Variants in NRF1 observed in about 807,000 individuals in gnomAD.
The protein encoded by NRF1 is alpha palindromic-binding protein.
In NRF1, 5 loss-of-function variants were observed where a neutral mutation model predicts 58.5. That is an observed-to-expected ratio of 0.09 (90% CI 0.04 to 0.18). The LOEUF (loss-of-function observed/expected upper bound fraction) is 0.18, where lower values mean the gene tolerates loss of function less well. Among genes scored for constraint, NRF1 ranks in the 10% least tolerant of loss-of-function variants. NRF1 has a pLI of 1.00. For synonymous variants in NRF1, 224 were observed against 246.7 expected (o/e 0.91, Z 0.86); for missense variants, 288 against 657.7 (o/e 0.44, Z 6.15).
At chr7:129,679,134 A>G (rs1308208005) in intron 4 of NRF1, among the ~76,000 whole-genome samples, 1 of 152,254 alleles carries the variant, frequency 6.6e-6, no homozygotes, top group Non-Finnish European at 1.5e-5. Context: ...CTAGAACACA[A>G]TAATACAAGT....
chr7:129,657,277 C>G, intron 1 of NRF1, 69 bp from the exon 2 acceptor site: 4 of 1,146,052 alleles, frequency 3.5e-6, no homozygotes, highest in Non-Finnish European at 3.9e-6. Flanking sequence ...AATAAAATAT[C>G]TCTTAGTTTA....
chr7:129,703,295 T>C (rs980818059), intron 5 of NRF1, among the ~76,000 whole-genome samples: 4 of 152,154 alleles, frequency 2.6e-5, no homozygotes, highest in Admixed American at 2.6e-4. Flanking sequence ...CCAGCTCAAT[T>C]AAAGGACGGT....
intron 3 of NRF1, among the ~76,000 whole-genome samples, chr7:129,675,159 C>T (rs1222747815): frequency 6.6e-6 from 1 of 152,180 alleles, no homozygotes; most frequent in Non-Finnish European, 1.5e-5. Context: ...ATAAGAAGCA[C>T]CTCTCATCCA....
intron 2 of NRF1, among the ~76,000 whole-genome samples, chr7:129,663,649 G>A (rs577755162): frequency 1.7e-4 from 26 of 151,200 alleles, no homozygotes; most frequent in Non-Finnish European, 2.8e-4. Context: ...CAGACGGGGC[G>A]GGCGGGCAGA....
Position 129,699,804 on chromosome 7 carries a change from G to A in NRF1, c.606+9258G>A, listed in dbSNP as rs181157581. On this transcript the variant is annotated intron_variant, in intron 5 of 10. Coordinates refer to ENST00000393232, the MANE Select transcript of NRF1 (RefSeq NM_005011.5). ...GGGGAGGTAGAAGTCAGGAGTTATCGTTTTAATGGGCACAGAATTTGTTTG... is the reference window on the plus strand; with the variant it reads ...GGGGAGGTAGAAGTCAGGAGTTATCATTTTAATGGGCACAGAATTTGTTTG... Among the ~76,000 whole-genome samples the A allele has an allele frequency of 2.5e-3, 375 of 151,898 alleles. 1 individual carries two copies. Among genetic ancestry groups the A allele is most frequent in the African/African-American group, 5.4e-3 (224 of 41,464 alleles).
chr7:129,647,336 C>A lies in NRF1; in HGVS notation c.-6-10010C>A, dbSNP rs181830582. Reference sequence around the variant, plus strand: ...CCATGCCTGGCGCTTACAGTATTTTCATAAAATCATCCACTCATCCCTAAG... The same window carrying A: ...CCATGCCTGGCGCTTACAGTATTTTAATAAAATCATCCACTCATCCCTAAG... On this transcript the variant is annotated intron_variant, in intron 1 of 10. Coordinates refer to ENST00000393232, the MANE Select transcript of NRF1 (RefSeq NM_005011.5). Among the ~76,000 whole-genome samples the A allele has an allele frequency of 6.9e-3, 1,054 of 151,806 alleles. 3 individuals are homozygous for A. The highest frequency in any genetic ancestry group is 0.01 in the Non-Finnish European group (695 of 67,932).
At chr7:129,714,049 G>A (rs1803134794) in intron 8 of NRF1, among the ~76,000 whole-genome samples, 1 of 152,170 alleles carries the variant, frequency 6.6e-6, no homozygotes, top group Admixed American at 6.5e-5. Context: ...GGAAGGGAGT[G>A]CAACAAGAGC....
chr7:129,666,428 A>G (rs1476711037), intron 2 of NRF1, among the ~76,000 whole-genome samples: 1 of 152,208 alleles, frequency 6.6e-6, no homozygotes, highest in African/African-American at 2.4e-5. Context: ...ATGTTTCTGT[A>G]ATATGTTTAT....
intron 1 of NRF1, among the ~76,000 whole-genome samples, chr7:129,634,630 A>C (rs542864787): frequency 9.2e-5 from 14 of 152,348 alleles, no homozygotes; most frequent in African/African-American, 3.1e-4. Context: ...AGCAATTGTG[A>C]ATAAAACTGC....
intron 1 of NRF1, among the ~76,000 whole-genome samples, chr7:129,647,145 C>T (rs1180233925): frequency 6.6e-6 from 1 of 152,002 alleles, no homozygotes; most frequent in Non-Finnish European, 1.5e-5. Flanking sequence ...TCAAGCAATT[C>T]TCCTGCCTCA....
At chr7:129,750,789 T>C (rs1018363581) in intron 10 of NRF1, among the ~76,000 whole-genome samples, 3 of 152,302 alleles carry the variant, frequency 2.0e-5, no homozygotes, top group Admixed American at 6.5e-5. Flanking sequence ...GAGTCTTGAA[T>C]ATAGTATTTT....
chr7:129,736,246 G>A (rs1803707291), intron 10 of NRF1, among the ~76,000 whole-genome samples: 1 of 148,746 alleles, frequency 6.7e-6, no homozygotes, highest in South Asian at 2.1e-4. Context: ...TTTCTCAGCA[G>A]AATTTAATCT....
chr7:129,739,895 T>C (rs1372588619), intron 10 of NRF1, among the ~76,000 whole-genome samples: 1 of 152,184 alleles, frequency 6.6e-6, no homozygotes, highest in Non-Finnish European at 1.5e-5. Context: ...TTGCATGAAT[T>C]CCAGATTTCA....
At chr7:129,650,699 TATC>T (rs965064396) in intron 1 of NRF1, among the ~76,000 whole-genome samples, 5 of 152,116 alleles carry the variant, frequency 3.3e-5, no homozygotes, top group Admixed American at 6.5e-5. Flanking sequence ...TTAATCCTCA[TATC>T]ATCCTTTTGC....
chr7:129,671,463 A>G lies in NRF1; in HGVS notation c.258A>G (p.Ala86=), dbSNP rs764181795. The G allele has an allele frequency of 5.0e-6, 8 of 1,614,074 alleles. No homozygotes were observed. Among genetic ancestry groups the G allele is most frequent in the Non-Finnish European group, 5.9e-6 (7 of 1,179,922 alleles). Residue 86 remains alanine, a synonymous_variant, in exon 3 of 11, where the codon GCA becomes GCG. Coordinates refer to ENST00000393232, the MANE Select transcript of NRF1 (RefSeq NM_005011.5). ...PVGMAAAAAV[A]TGKKRKRPHV... ...GAATGGCCGCTGCTGCTGCTGTGGC[A>G]ACAGGAAAGAAACGGAAACGGCCTC...
intron 1 of NRF1, among the ~76,000 whole-genome samples, chr7:129,612,910 T>G (rs1209178493): frequency 6.6e-6 from 1 of 152,234 alleles, no homozygotes; most frequent in African/African-American, 2.4e-5. Flanking sequence ...TTGGGGGGCT[T>G]CCAGTGATAT....
chr7:129,690,106 C>T (rs1334682104), intron 4 of NRF1, among the ~76,000 whole-genome samples: 2 of 152,214 alleles, frequency 1.3e-5, no homozygotes, highest in Non-Finnish European at 2.9e-5. Context: ...AGACCTGGAA[C>T]AGGCAATGGC....
chr7:129,634,810 C>T (rs973587515), intron 1 of NRF1, among the ~76,000 whole-genome samples: 3 of 152,160 alleles, frequency 2.0e-5, no homozygotes, highest in Non-Finnish European at 4.4e-5. Flanking sequence ...TCAGGTTGCT[C>T]GTGTGTTTTT....
intron 1 of NRF1, among the ~76,000 whole-genome samples, chr7:129,612,977 A>G (rs1413751563): frequency 6.6e-6 from 1 of 152,226 alleles, no homozygotes; most frequent in African/African-American, 2.4e-5. Flanking sequence ...TAAGCATTAG[A>G]TTAGAATATA....
Sources: gnomAD v4.1 joint callset for allele counts (sites outside exome capture counted in the v4.1 genomes callset) on GRCh38, gnomAD v4.1.1 for gene constraint, MANE v1.5 for transcripts, NCBI Gene and HGNC (gene_info 2026-07-23, HGNC 2026-07-21) for gene names.